PSD3: variants seen among roughly 807,000 people sequenced by gnomAD.
PSD3 encodes PH and SEC7 domain-containing protein 3.
PSD3 carries 49 observed loss-of-function variants against 105.5 expected under a neutral mutation model. The ratio of observed to expected loss-of-function variants is 0.46; its 90% CI spans 0.37 to 0.59. The LOEUF (loss-of-function observed/expected upper bound fraction) is 0.59, where lower values mean the gene tolerates loss of function less well. Among genes scored for constraint, PSD3 ranks in the 20% least tolerant of loss-of-function variants. The pLI, the probability that PSD3 is intolerant of heterozygous loss-of-function variation, is 0.00. For synonymous variants in PSD3, 557 were observed against 457.8 expected, an observed-to-expected ratio of 1.22 and a Z score of -2.77; for missense variants, 1,561 against 1,263.8, an observed-to-expected ratio of 1.24 and a Z score of -3.57.
chr8:19,008,018 T>C (rs566369846), intron 1 of PSD3, among the ~76,000 whole-genome samples: 1 of 149,314 alleles, frequency 6.7e-6, no homozygotes, highest in South Asian at 2.2e-4. Flanking sequence ...AATTTTTGTA[T>C]TTTTAGTAAA....
chr8:19,077,306 G>A (rs572774441), intron 1 of PSD3, among the ~76,000 whole-genome samples: 12 of 152,232 alleles, frequency 7.9e-5, no homozygotes, highest in Non-Finnish European at 1.5e-4. Flanking sequence ...ATAATCTGCT[G>A]GACCTGGTTA....
intron 8 of PSD3, among the ~76,000 whole-genome samples, chr8:18,769,422 AGT>A (rs1461463310): frequency 1.3e-5 from 2 of 152,206 alleles, no homozygotes; most frequent in East Asian, 3.8e-4. Context: ...CTCTTAAAAA[AGT>A]GTGTTAATTT....
intron 1 of PSD3, among the ~76,000 whole-genome samples, chr8:18,961,727 T>C (rs1344537298): frequency 9.9e-5 from 15 of 152,120 alleles, no homozygotes; most frequent in Non-Finnish European, 1.5e-5. Flanking sequence ...TAGATATAAA[T>C]ATTCCTCTAA....
chr8:18,899,964 G>A (rs1819399908), intron 2 of PSD3, among the ~76,000 whole-genome samples: 1 of 151,814 alleles, frequency 6.6e-6, no homozygotes, highest in Non-Finnish European at 1.5e-5. Flanking sequence ...ACTAATAAAT[G>A]TCCTTTGTGG....
At chr8:19,045,751 G>A (rs1828296177) in intron 1 of PSD3, among the ~76,000 whole-genome samples, 1 of 152,168 alleles carries the variant, frequency 6.6e-6, no homozygotes, top group East Asian at 1.9e-4. Context: ...GCTAGTGTTG[G>A]GAGGGTGGAG....
intron 8 of PSD3, among the ~76,000 whole-genome samples, chr8:18,769,169 G>C (rs73666713): frequency 0.054 from 8,277 of 152,176 alleles, 489 homozygotes; most frequent in East Asian, 0.22. Flanking sequence ...TATGTTCTGG[G>C]GAGATGAATA....
intron 4 of PSD3, among the ~76,000 whole-genome samples, chr8:18,835,782 C>G (rs566884271): frequency 6.6e-6 from 1 of 152,266 alleles, no homozygotes; most frequent in South Asian, 2.1e-4. Flanking sequence ...GCATGCCCGG[C>G]GTGCTCAGAA....
At chr8:18,679,864 C>G (rs1003912720) in intron 9 of PSD3, among the ~76,000 whole-genome samples, 2 of 152,152 alleles carry the variant, frequency 1.3e-5, no homozygotes, top group South Asian at 4.1e-4. Context: ...AAGCTTTAAA[C>G]GGTTCACTTG....
intron 14 of PSD3, chr8:18,557,574 A>G (rs141556357): frequency 1.4e-3 from 222 of 154,108 alleles, no homozygotes; most frequent in Non-Finnish European, 2.3e-3. Flanking sequence ...AGCAGAGGAC[A>G]CGAATGGAAA....
intron 1 of PSD3, among the ~76,000 whole-genome samples, chr8:18,971,350 C>T (rs1824640299): frequency 6.6e-6 from 1 of 152,198 alleles, no homozygotes; most frequent in African/African-American, 2.4e-5. Flanking sequence ...GCCACCACGG[C>T]CTCCCCTCAG....
intron 2 of PSD3, among the ~76,000 whole-genome samples, chr8:18,933,350 T>G (rs926723964): frequency 1.3e-5 from 2 of 151,582 alleles, no homozygotes; most frequent in African/African-American, 4.9e-5. Context: ...TGGTATTATC[T>G]CTATATAGTT....
intron 1 of PSD3, among the ~76,000 whole-genome samples, chr8:18,942,741 T>A (rs1822629940): frequency 6.6e-6 from 1 of 152,154 alleles, no homozygotes; most frequent in Non-Finnish European, 1.5e-5. Flanking sequence ...CCTTCCAACT[T>A]TGATCTCGAA....
chr8:18,828,581 G>A (rs2129450148), intron 4 of PSD3, among the ~76,000 whole-genome samples: 2 of 151,716 alleles, frequency 1.3e-5, no homozygotes, highest in South Asian at 2.1e-4. Flanking sequence ...CAGGCAGACT[G>A]CTCGAGCCCG....
At chr8:18,557,874 G>T (rs781211220) in intron 14 of PSD3, among the ~76,000 whole-genome samples, 1 of 152,294 alleles carries the variant, frequency 6.6e-6, no homozygotes, top group African/African-American at 2.4e-5. Flanking sequence ...GTTATGGATT[G>T]AATGTGTCCA....
chr8:18,778,477 G>T (rs1022934729), intron 8 of PSD3, among the ~76,000 whole-genome samples: 3 of 152,032 alleles, frequency 2.0e-5, no homozygotes, highest in Admixed American at 1.3e-4. Flanking sequence ...CTCTGGCTAG[G>T]ACTTCCAGTA....
chr8:18,953,746 C>CA (rs199529691), intron 1 of PSD3, among the ~76,000 whole-genome samples: 7,168 of 146,348 alleles, frequency 0.049, 292 homozygotes, highest in East Asian at 0.12. Flanking sequence ...GACTCCATCT[C>CA]AAAAAAGAAA....
intron 4 of PSD3, among the ~76,000 whole-genome samples, chr8:18,835,069 G>C (rs1813994750): frequency 6.6e-6 from 1 of 152,166 alleles, no homozygotes; most frequent in African/African-American, 2.4e-5. Flanking sequence ...CTTAGACAAA[G>C]GACAGTCAAG....
chr8:18,694,847 G>GA (rs1392886510), intron 9 of PSD3, among the ~76,000 whole-genome samples: 1 of 151,914 alleles, frequency 6.6e-6, no homozygotes, highest in Non-Finnish European at 1.5e-5. Flanking sequence ...TCTGATAAAT[G>GA]AAACTGTTTT....
intron 9 of PSD3, among the ~76,000 whole-genome samples, chr8:18,698,167 T>C (rs1424525559): frequency 6.6e-6 from 1 of 152,224 alleles, no homozygotes; most frequent in Non-Finnish European, 1.5e-5. Context: ...GGTGCGATCA[T>C]AGCTCATTGT....
Sources: gnomAD v4.1 joint callset for allele counts (sites outside exome capture counted in the v4.1 genomes callset) on GRCh38, gnomAD v4.1.1 for gene constraint, MANE v1.5 for transcripts, NCBI Gene and HGNC (gene_info 2026-07-23, HGNC 2026-07-21) for gene names.